The following SPATA31G1 variants were observed in gnomAD, a reference collection of about 807,000 sequenced individuals.
SPATA31G1 encodes SPATA31 subfamily G member 1, also known as spermatogenesis-associated protein 31G1.
chr9:35,044,062 C>CT, the SPATA31G1 span: 9 of 1,614,076 alleles, frequency 5.6e-6, no homozygotes, highest in Non-Finnish European at 6.8e-6. Flanking sequence ...CCCTCAGTCC[C>CT]TCTCCTGGAG....
the SPATA31G1 span, chr9:35,044,659 G>A: frequency 1.1e-5 from 18 of 1,614,006 alleles, no homozygotes; most frequent in Non-Finnish European, 1.5e-5. Flanking sequence ...GTGGAGCAAA[G>A]AAAGAACCAC....
the SPATA31G1 span, chr9:35,045,100 G>C: frequency 6.2e-7 from 1 of 1,614,132 alleles, no homozygotes. Context: ...GACTTCTGGG[G>C]ACTCCCTTCC....
the SPATA31G1 span, chr9:35,044,865 C>A: frequency 6.2e-7 from 1 of 1,614,068 alleles, no homozygotes; most frequent in East Asian, 2.2e-5. Context: ...ACGCACTCAT[C>A]CTGGTCTACC....
chr9:35,044,126 G>C, the SPATA31G1 span: 1 of 1,614,144 alleles, frequency 6.2e-7, no homozygotes. Context: ...CTTTGTGGGA[G>C]ACCATGGGGC....
the SPATA31G1 span, chr9:35,042,683 T>C: frequency 3.4e-6 from 4 of 1,161,122 alleles, no homozygotes; most frequent in Non-Finnish European, 4.9e-6. Flanking sequence ...GATCTCCAAA[T>C]GAGGACTGGG....
the SPATA31G1 span, chr9:35,044,879 G>C: frequency 6.2e-7 from 1 of 1,614,038 alleles, no homozygotes; most frequent in Non-Finnish European, 8.5e-7. Flanking sequence ...GTCTACCCAA[G>C]GGAGTAACGT....
chr9:35,044,888 G>T, the SPATA31G1 span: 2 of 1,614,052 alleles, frequency 1.2e-6, no homozygotes, highest in South Asian at 1.1e-5. Flanking sequence ...AGGGAGTAAC[G>T]TGCCCAGGGG....
chr9:35,045,926 G>T, the SPATA31G1 span: 1 of 1,508,386 alleles, frequency 6.6e-7, no homozygotes, highest in Non-Finnish European at 8.8e-7. Flanking sequence ...CAAACCAGGG[G>T]GAAGGTGGGG....
the SPATA31G1 span, chr9:35,044,745 T>G: frequency 6.2e-7 from 1 of 1,614,128 alleles, no homozygotes; most frequent in African/African-American, 1.3e-5. Flanking sequence ...TGAACTTGTG[T>G]GGAGAAATGT....
chr9:35,042,278 G>A, the SPATA31G1 span: 17 of 1,614,130 alleles, frequency 1.1e-5, no homozygotes, highest in South Asian at 1.8e-4. Flanking sequence ...TGGAGGACCT[G>A]CTTGGGGCTA....
At chr9:35,042,119 G>A in the SPATA31G1 span, 1,015 of 1,345,554 alleles carry the variant, frequency 7.5e-4, 7 homozygotes, top group South Asian at 0.014. Context: ...AGCATGAATT[G>A]CCTGATAGAG....
At chr9:35,042,286 C>A in the SPATA31G1 span, 114 of 1,614,142 alleles carry the variant, frequency 7.1e-5, no homozygotes, top group Admixed American at 4.3e-4. Flanking sequence ...CTGCTTGGGG[C>A]TAAGGGGGAT....
chr9:35,044,388 A>G, the SPATA31G1 span: 2 of 1,614,074 alleles, frequency 1.2e-6, no homozygotes, highest in Non-Finnish European at 1.7e-6. Context: ...TTCTGAAGCT[A>G]GATGTGGGGA....
the SPATA31G1 span, chr9:35,045,353 G>A: frequency 1.2e-6 from 2 of 1,614,098 alleles, no homozygotes; most frequent in Non-Finnish European, 1.7e-6. Flanking sequence ...TACACATGGA[G>A]GCTGGTGTGG....
At chr9:35,042,788 C>G in the SPATA31G1 span, 332,178 of 1,546,282 alleles carry the variant, frequency 0.21, 37,206 homozygotes, top group South Asian at 0.24. Context: ...ATGGAGCAGA[C>G]TGAGTGCCTC....
At chr9:35,042,735 G>A in the SPATA31G1 span, 5 of 1,312,314 alleles carry the variant, frequency 3.8e-6, no homozygotes, top group Non-Finnish European at 5.3e-6. Context: ...GTAGGTGACT[G>A]GCCACACACG....
the SPATA31G1 span, chr9:35,042,218 G>A: frequency 2.5e-6 from 4 of 1,602,724 alleles, no homozygotes; most frequent in Non-Finnish European, 3.4e-6. Flanking sequence ...GTGATGCAAT[G>A]ATGACCTCAG....
At chr9:35,042,046 A>G in the SPATA31G1 span, 5 of 688,158 alleles carry the variant, frequency 7.3e-6, no homozygotes, top group African/African-American at 9.0e-5. Flanking sequence ...CTTAACCACA[A>G]TGCCTGAAGC....
chr9:35,044,325 C>G, the SPATA31G1 span: 19 of 1,613,982 alleles, frequency 1.2e-5, no homozygotes, highest in Non-Finnish European at 1.4e-5. Context: ...CAGCCCACCC[C>G]CAGCTCTTGC....
Sources: gnomAD v4.1 joint callset for allele counts on GRCh38, gnomAD v4.1.1 for gene constraint, MANE v1.5 for transcripts, NCBI Gene and HGNC (gene_info 2026-07-23, HGNC 2026-07-21) for gene names.